The following CACNA1C variants were observed in gnomAD, a reference collection of about 807,000 sequenced individuals.
The protein encoded by CACNA1C is voltage-dependent L-type calcium channel subunit alpha-1C.
Under a neutral mutation model 229.0 loss-of-function variants are expected in CACNA1C, and 30 were observed. The ratio of observed to expected loss-of-function variants is 0.13; its 90% CI spans 0.10 to 0.18. The LOEUF (loss-of-function observed/expected upper bound fraction) is 0.18, where lower values mean the gene tolerates loss of function less well. CACNA1C is among the 10% of genes least tolerant of loss of function. The pLI is 1.00. For synonymous variants in CACNA1C, 1,114 were observed against 1,132.5 expected, an observed-to-expected ratio of 0.98 and a Z score of 0.33; for missense variants, 1,658 against 2,845.0, an observed-to-expected ratio of 0.58 and a Z score of 9.49.
intron 3 of CACNA1C, among the ~76,000 whole-genome samples, chr12:2,244,495 G>C (rs1412542412): frequency 1.3e-5 from 2 of 152,186 alleles, no homozygotes; most frequent in African/African-American, 2.4e-5. Context: ...TGCCCCCCAG[G>C]TCCCAGCAGT....
At chr12:2,635,206 C>T (rs1200762939) in intron 30 of CACNA1C, among the ~76,000 whole-genome samples, 1 of 152,166 alleles carries the variant, frequency 6.6e-6, no homozygotes, top group Non-Finnish European at 1.5e-5. Flanking sequence ...GGCTCCCGAG[C>T]CTCAGACAGC....
intron 1 of CACNA1C, among the ~76,000 whole-genome samples, chr12:2,043,715 G>A (rs1040587090): frequency 7.0e-6 from 1 of 142,806 alleles, no homozygotes; most frequent in Non-Finnish European, 1.5e-5. Context: ...GACTGCAGTG[G>A]CGCAATCTCG....
rs1481255131 is a variant in CACNA1C, at chr12:2,633,783, T to A, written c.3829-514T>A. 1.2e-6 allele frequency: 1 copy of A among 822,438 alleles called. No homozygotes were observed. The allele number at this position is 822,438 out of a possible 1,614,324, so 50.9% of individuals were successfully genotyped here. A position where few individuals can be genotyped will look rare whatever the true frequency, so the allele number is the denominator to read the frequency against. On this transcript the variant is annotated intron_variant, in intron 29 of 46. Transcript: ENST00000399655. This position sits in a 1 kb window ranked among gnomAD's most constrained non-coding sequence, Gnocchi z 5.8. Reference sequence around the variant, plus strand: ...CCTCTGCCTCGTCTATTTCTCTCTCTCTCACTCTCTCTGTTTACCTTCTTT... The same window carrying A: ...CCTCTGCCTCGTCTATTTCTCTCTCACTCACTCTCTCTGTTTACCTTCTTT...
intron 3 of CACNA1C, among the ~76,000 whole-genome samples, chr12:2,314,140 C>G (rs11830734): frequency 6.6e-6 from 1 of 152,180 alleles, no homozygotes; most frequent in African/African-American, 2.4e-5. Context: ...GTCACCTTCT[C>G]TCCTGGGCAC....
chr12:2,244,124 G>T (rs886571014), intron 3 of CACNA1C, among the ~76,000 whole-genome samples: 5 of 152,234 alleles, frequency 3.3e-5, no homozygotes, highest in Non-Finnish European at 7.3e-5. Flanking sequence ...ATCCCCTGCT[G>T]CTCTTGGCTC....
rs2053588626 is a variant in CACNA1C at position 2,054,165 on chromosome 12, G to A, written c.49+554G>A. ...CCCTGGGCGGCGCGCTCCAGGTGGC[G>A]GGTGGGGGCGGCGGTGCAGATGTGA... On this transcript the variant is annotated intron_variant, in intron 1 of 46. Coordinates refer to ENST00000399655, the MANE Select transcript of CACNA1C (RefSeq NM_000719.7). The surrounding 1 kb of genome is among the most constrained non-coding windows in gnomAD (Gnocchi z 5.5). Among the ~76,000 whole-genome samples the A allele has an allele frequency of 6.6e-6, 1 of 151,774 alleles. No individual in the cohort carries two copies. Among genetic ancestry groups the A allele is most frequent in the African/African-American group, 2.4e-5 (1 of 41,418 alleles).
At chr12:2,555,109 A>T (rs982438597) in intron 10 of CACNA1C, among the ~76,000 whole-genome samples, 7 of 152,206 alleles carry the variant, frequency 4.6e-5, no homozygotes, top group African/African-American at 1.7e-4. Context: ...CCACAGAAGG[A>T]CCTGTAGTCC....
chr12:2,161,095 C>T (rs1268433554), intron 3 of CACNA1C, among the ~76,000 whole-genome samples: 2 of 152,256 alleles, frequency 1.3e-5, no homozygotes, highest in African/African-American at 2.4e-5. Context: ...GTTGGGATAA[C>T]AGGCGTGAGC....
At chr12:2,226,044 C>T (rs1566517421) in intron 3 of CACNA1C, among the ~76,000 whole-genome samples, 4 of 148,906 alleles carry the variant, frequency 2.7e-5, no homozygotes, top group Non-Finnish European at 4.5e-5. Flanking sequence ...GTGATGAGAC[C>T]GAGATTACTA....
At chr12:2,578,890 G>A (rs372350437) in intron 13 of CACNA1C, among the ~76,000 whole-genome samples, 3 of 152,090 alleles carry the variant, frequency 2.0e-5, no homozygotes, top group African/African-American at 7.2e-5. Flanking sequence ...TTTGGCCTTC[G>A]CTCTAGGAGA....
At chr12:2,664,358 C>T (rs1219312073) in intron 34 of CACNA1C, among the ~76,000 whole-genome samples, 1 of 152,216 alleles carries the variant, frequency 6.6e-6, no homozygotes, top group African/African-American at 2.4e-5. Context: ...TGTAGTTTAA[C>T]TGGCAATTCC....
Position 2,665,465 on chromosome 12 carries a change from C to T in CACNA1C, c.4399-116C>T. 1.8e-6 allele frequency: 2 copies of T among 1,098,746 alleles called. No homozygotes were observed. The highest frequency in any genetic ancestry group is 1.3e-5 in the South Asian group (1 of 76,046). The allele number at this position is 1,098,746 out of a possible 1,614,324, so 68.1% of individuals were successfully genotyped here. ...GTTCTCAGGCTGGTAGGATGGATGA[C>T]TGGTCTTTAGAAATGTTGGCTTCTG... is the stretch of plus-strand genomic sequence containing the variant. On this transcript the variant is annotated intron_variant, in intron 35 of 46. Coordinates refer to ENST00000399655, the MANE Select transcript of CACNA1C (RefSeq NM_000719.7). The surrounding 1 kb of genome is among the most constrained non-coding windows in gnomAD (Gnocchi z 5.9).
chr12:2,184,938 A>G (rs2096951378), intron 3 of CACNA1C, among the ~76,000 whole-genome samples: 1 of 152,150 alleles, frequency 6.6e-6, no homozygotes. Flanking sequence ...TTAGTATTGA[A>G]CTGGGGTTAA....
chr12:2,630,004 C>A lies in CACNA1C; in HGVS notation c.3829-4293C>A, dbSNP rs1338723191. 6.6e-6 allele frequency among the ~76,000 whole-genome samples: 1 copy of A among 152,182 alleles called. No homozygotes were observed. Among genetic ancestry groups the A allele is most frequent in the Non-Finnish European group, 1.5e-5 (1 of 68,034 alleles). ...GGGAGTTGGAAGGGGGAAATCCACTCAGCCTGTGGGATTGGGGGATGGCGA... is the reference window on the plus strand; with the variant it reads ...GGGAGTTGGAAGGGGGAAATCCACTAAGCCTGTGGGATTGGGGGATGGCGA... On this transcript the variant is annotated intron_variant, in intron 29 of 46. Coordinates refer to ENST00000399655, the MANE Select transcript of CACNA1C (RefSeq NM_000719.7). This position sits in a 1 kb window ranked among gnomAD's most constrained non-coding sequence, Gnocchi z 5.4.
chr12:2,326,150 G>C (rs1000106538), intron 3 of CACNA1C, among the ~76,000 whole-genome samples: 1 of 152,126 alleles, frequency 6.6e-6, no homozygotes, highest in Non-Finnish European at 1.5e-5. Context: ...AGGAGGCAGG[G>C]AGAGAAAAAG....
At chr12:2,103,122 A>G (rs1340787395) in intron 1 of CACNA1C, among the ~76,000 whole-genome samples, 1 of 152,190 alleles carries the variant, frequency 6.6e-6, no homozygotes, top group African/African-American at 2.4e-5. Context: ...GCTGGGTCAA[A>G]TGGTATTTCT....
At chr12:2,543,930 G>A (rs1015192508) in intron 9 of CACNA1C, among the ~76,000 whole-genome samples, 9 of 152,118 alleles carry the variant, frequency 5.9e-5, no homozygotes, top group Admixed American at 2.0e-4. Flanking sequence ...CACTAAGCAG[G>A]GCTCTCATCC....
chr12:2,271,425 C>T (rs544195155), intron 3 of CACNA1C, among the ~76,000 whole-genome samples: 4 of 152,268 alleles, frequency 2.6e-5, no homozygotes, highest in South Asian at 2.1e-4. Flanking sequence ...ATTCTGAGTA[C>T]CTCCAAAGGC....
rs566098500 is a variant in CACNA1C, at chr12:2,097,356, C to T, written c.50-17868C>T. Among the ~76,000 whole-genome samples the T allele has an allele frequency of 3.7e-4, 56 of 152,126 alleles. No individual in the cohort carries two copies. In the South Asian group the frequency reaches 6.7e-3, roughly 18 times the overall value. On this transcript the variant is annotated intron_variant, in intron 1 of 46. Transcript: ENST00000399655. The stretch of plus-strand genomic sequence containing the variant: ...AGAGACGGGGTTTCACCATGTTAGC[C>T]AGGATAGTCTCGATCTCCTGACCTT...
Sources: gnomAD v4.1 joint callset for allele counts (sites outside exome capture counted in the v4.1 genomes callset) on GRCh38, gnomAD v4.1.1 for gene constraint, Gnocchi (gnomAD v3.1) non-coding constraint, MANE v1.5 for transcripts, NCBI Gene and HGNC (gene_info 2026-07-23, HGNC 2026-07-21) for gene names.